Variants in NXT1 observed in about 807,000 individuals in gnomAD.
NXT1 encodes the protein NTF2-related export protein 1.
In NXT1, 3 loss-of-function variants were observed where a neutral mutation model predicts 9.9. The ratio of observed to expected loss-of-function variants is 0.30; its 90% CI spans 0.14 to 0.79. NXT1 has a LOEUF of 0.79. Ranked by LOEUF, NXT1 falls within the 30% of genes least tolerant of loss-of-function variation. The probability of loss-of-function intolerance (pLI) is 0.63; values close to 1 mark genes in which losing one functional copy is unlikely to be tolerated. For missense variants in NXT1, 91 were observed against 178.2 expected (o/e 0.51, Z 2.79); for synonymous variants, 53 against 66.5 (o/e 0.80, Z 0.99).
chr20:23,351,910 G>A (rs924286717), intron 1 of NXT1, among the ~76,000 whole-genome samples: 1 of 152,112 alleles, frequency 6.6e-6, no homozygotes. Flanking sequence ...ATCCATTTGT[G>A]GTAACATTTA....
intron 1 of NXT1, among the ~76,000 whole-genome samples, chr20:23,352,432 A>C (rs1214027250): frequency 6.6e-6 from 1 of 152,116 alleles, no homozygotes; most frequent in Non-Finnish European, 1.5e-5. Flanking sequence ...GAGGCAATGC[A>C]CCATCTTTGC....
rs1262948056 is a variant in NXT1 at position 23,353,996 on chromosome 20, G to C, written c.-46G>C. The C allele has an allele frequency of 1.3e-6, 2 of 1,577,776 alleles. No homozygotes were observed. Among genetic ancestry groups the C allele is most frequent in the Admixed American group, 1.7e-5 (1 of 58,286 alleles). On this transcript the variant is annotated 5_prime_UTR_variant, in exon 2 of 2. Transcript: ENST00000254998. ...TTCCCTGCAGCCCCTGGTTCCCCAA[G>C]GCAGAGGAAATACCCTGGTGGAGCC...
chr20:23,353,638 C>T (rs938498910), intron 1 of NXT1, among the ~76,000 whole-genome samples: 6 of 152,180 alleles, frequency 3.9e-5, no homozygotes, highest in Non-Finnish European at 7.3e-5. Flanking sequence ...TGGCATAGCA[C>T]AGTCAGCCCA....
Position 23,354,200 on chromosome 20 carries a change from A to G in NXT1, c.159A>G (p.Ser53=), listed in dbSNP as rs1440360428. 3 of 1,614,248 alleles carry G rather than the reference A, an allele frequency of 1.9e-6. No individual in the cohort carries two copies. The highest frequency in any genetic ancestry group is 2.2e-5 in the East Asian group (1 of 44,894). The change falls in exon 2 of 2, where the codon TCA becomes TCG. Residue 53 remains serine (S), a synonymous_variant. Coordinates refer to ENST00000254998, the MANE Select transcript of NXT1 (RefSeq NM_013248.3). ...TGGTCTGGAATGGCAATGCTGTTTC[A>G]GGACAAGAATCCTTGAGTGAGTTTT... ...ATLVWNGNAV[S]GQESLSEFFE... is the part of the protein sequence containing the mutation.
intron 1 of NXT1, among the ~76,000 whole-genome samples, chr20:23,353,561 AG>A (rs1980329359): frequency 1.3e-5 from 2 of 152,308 alleles, no homozygotes; most frequent in African/African-American, 4.8e-5. Context: ...CAGGTGTTGC[AG>A]TGAGCCGAGG....
intron 1 of NXT1, among the ~76,000 whole-genome samples, chr20:23,353,126 C>A (rs1328590395): frequency 1.3e-5 from 2 of 152,194 alleles, no homozygotes; most frequent in African/African-American, 4.8e-5. Context: ...GGTCCACTGT[C>A]TTTACCAAGG....
At position 23,354,010 on chromosome 20, in the gene NXT1, C is replaced by T. The variant is rs770035471; in HGVS notation, c.-32C>T. On this transcript the variant is annotated 5_prime_UTR_variant, in exon 2 of 2. Coordinates refer to ENST00000254998, the MANE Select transcript of NXT1 (RefSeq NM_013248.3). Reference sequence around the variant, plus strand: ...TGGTTCCCCAAGGCAGAGGAAATACCCTGGTGGAGCCCTCCTTCCATAGAA... The same window carrying T: ...TGGTTCCCCAAGGCAGAGGAAATACTCTGGTGGAGCCCTCCTTCCATAGAA... 6 of 1,595,776 alleles carry T rather than the reference C, an allele frequency of 3.8e-6. No homozygotes were observed. The African/African-American group carries it at 8.1e-5, about 21-fold the overall frequency.
rs771772541 is a variant in NXT1 at position 23,354,363 on chromosome 20, G to A, written c.322G>A (p.Asp108Asn). 4 of 1,614,186 alleles carry A rather than the reference G, an allele frequency of 2.5e-6. No homozygotes were observed. The highest frequency in any genetic ancestry group is 2.2e-5 in the East Asian group (1 of 44,890). The change falls in exon 2 of 2, where the codon GAC (aspartate) becomes AAC (asparagine). Residue 108 changes from aspartate (D) to asparagine (N), a missense_variant. Asp to Asn is a conservative substitution (Grantham distance 23). Coordinates refer to ENST00000254998, the MANE Select transcript of NXT1 (RefSeq NM_013248.3). Reference protein sequence around the residue: ...SVKFEGNKQRDFNQNFILTAQ... With the variant: ...SVKFEGNKQRNFNQNFILTAQ... Reference sequence around the variant, plus strand: ...GAAGTTTGAGGGGAACAAACAACGGGACTTCAACCAGAACTTCATCCTGAC... The same window carrying A: ...GAAGTTTGAGGGGAACAAACAACGGAACTTCAACCAGAACTTCATCCTGAC...
intron 1 of NXT1, among the ~76,000 whole-genome samples, chr20:23,352,583 A>G (rs867677827): frequency 6.6e-6 from 1 of 152,162 alleles, no homozygotes; most frequent in Middle Eastern, 3.4e-3. Context: ...AAACTATTTT[A>G]GTAATGTCCT....
chr20:23,352,582 T>C (rs1209069705), intron 1 of NXT1, among the ~76,000 whole-genome samples: 3 of 152,184 alleles, frequency 2.0e-5, no homozygotes, highest in Non-Finnish European at 2.9e-5. Flanking sequence ...TAAACTATTT[T>C]AGTAATGTCC....
Position 23,354,150 on chromosome 20 carries a change from C to T in NXT1, c.109C>T (p.Arg37Cys), listed in dbSNP as rs745946013. 1.9e-6 allele frequency: 3 copies of T among 1,614,158 alleles called. No individual in the cohort carries two copies. Among genetic ancestry groups the T allele is most frequent in the Admixed American group, 1.7e-5 (1 of 60,018 alleles). ...GGATAAGCGGCGGCGTTTGCTGTCC[C>T]GCCTGTACATGGGCACAGCCACCCT... is the stretch of plus-strand genomic sequence containing the variant. ...TMDKRRRLLS[R>C]LYMGTATLVW... Residue 37 changes from arginine to cysteine, a missense_variant, in exon 2 of 2, where the codon CGC becomes TGC. Physicochemically the swap from Arg to Cys is radical, Grantham distance 180 (BLOSUM62 -3). Coordinates refer to ENST00000254998, the MANE Select transcript of NXT1 (RefSeq NM_013248.3).
Position 23,350,902 on chromosome 20 carries a change from G to A in NXT1, c.-221G>A, listed in dbSNP as rs1241362218. 6.6e-6 allele frequency: 1 copy of A among 152,180 alleles called. No homozygotes were observed. 9.4% of individuals were successfully genotyped at this position (152,180 alleles called of 1,614,324 possible). ...AGAGTAAGCCTCCAAGAAGGAGGAG[G>A]AGGAGAGAAAGGCGGCTCTTCCCGT... On this transcript the variant is annotated 5_prime_UTR_variant, in exon 1 of 2. Coordinates refer to ENST00000254998, the MANE Select transcript of NXT1 (RefSeq NM_013248.3).
chr20:23,351,623 G>C (rs1345323901), intron 1 of NXT1: 1 of 152,264 alleles, frequency 6.6e-6, no homozygotes, highest in African/African-American at 2.4e-5. Flanking sequence ...TGGGGGGACT[G>C]GTGCCATGGA....
Position 23,354,120 on chromosome 20 carries a change from A to G in NXT1, c.79A>G (p.Thr27Ala), listed in dbSNP as rs1600520800. Residue 27 changes from threonine to alanine, a missense_variant, in exon 2 of 2, where the codon ACC (threonine) becomes GCC (alanine). Coordinates refer to ENST00000254998, the MANE Select transcript of NXT1 (RefSeq NM_013248.3). ...AEEFVNVYYT[T>A]MDKRRRLLSR... Reference sequence around the variant, plus strand: ...GGAGTTTGTCAATGTCTACTACACCACCATGGATAAGCGGCGGCGTTTGCT... The same window carrying G: ...GGAGTTTGTCAATGTCTACTACACCGCCATGGATAAGCGGCGGCGTTTGCT... 1 of 1,613,996 alleles carries G rather than the reference A, an allele frequency of 6.2e-7. No homozygotes were observed. The highest frequency in any genetic ancestry group is 8.5e-7 in the Non-Finnish European group (1 of 1,180,042).
chr20:23,350,809 G>C lies in NXT1; in HGVS notation c.-314G>C, dbSNP rs1443556336. 3.9e-5 allele frequency: 6 copies of C among 152,268 alleles called. No homozygotes were observed. The highest frequency in any genetic ancestry group is 1.4e-4 in the African/African-American group (6 of 41,470). 9.4% of individuals were successfully genotyped at this position (152,268 alleles called of 1,614,324 possible). Reference sequence around the variant, plus strand: ...GGCGCTCGCGTCTGCGTGGAGACCGGCTGGCCGCGCGCGGGAAGCCGCGGA... The same window carrying C: ...GGCGCTCGCGTCTGCGTGGAGACCGCCTGGCCGCGCGCGGGAAGCCGCGGA... On this transcript the variant is annotated 5_prime_UTR_variant, in exon 1 of 2. Coordinates refer to ENST00000254998, the MANE Select transcript of NXT1 (RefSeq NM_013248.3).
intron 1 of NXT1, among the ~76,000 whole-genome samples, chr20:23,352,407 G>A (rs1222685415): frequency 6.6e-6 from 1 of 152,058 alleles, no homozygotes; most frequent in African/African-American, 2.4e-5. Context: ...TTCCCTCCCA[G>A]CCAGCCCTTT....
At chr20:23,351,790 G>A (rs1263641982) in intron 1 of NXT1, among the ~76,000 whole-genome samples, 1 of 152,218 alleles carries the variant, frequency 6.6e-6, no homozygotes, top group Non-Finnish European at 1.5e-5. Flanking sequence ...TCAGCCCTCA[G>A]TCTAGTCTTG....
chr20:23,353,036 T>C (rs943427870), intron 1 of NXT1, among the ~76,000 whole-genome samples: 1 of 152,214 alleles, frequency 6.6e-6, no homozygotes, highest in Non-Finnish European at 1.5e-5. Flanking sequence ...TGATAGACTT[T>C]CCTAGACTCA....
intron 1 of NXT1, 107 bp from the exon 2 acceptor site, chr20:23,353,874 A>C: frequency 1.5e-6 from 1 of 657,676 alleles, no homozygotes; most frequent in Non-Finnish European, 2.6e-6. Flanking sequence ...ATTGTTCTGC[A>C]GTCTGTAACT....
Sources: allele counts gnomAD v4.1 joint callset (sites outside exome capture counted in the v4.1 genomes callset), GRCh38; gene constraint gnomAD v4.1.1; transcripts MANE v1.5; gene names NCBI Gene and HGNC (gene_info 2026-07-23, HGNC 2026-07-21).